The following SLC20A2 variants were observed in gnomAD, a reference collection of about 807,000 sequenced individuals.
SLC20A2 encodes the protein solute carrier family 20 member 2.
A neutral mutation model predicts 61.0 loss-of-function variants in SLC20A2; 30 were observed. The ratio of observed to expected loss-of-function variants is 0.49; its 90% confidence interval spans 0.37 to 0.67. The LOEUF (loss-of-function observed/expected upper bound fraction) is 0.67, where lower values mean the gene tolerates loss of function less well. SLC20A2 is among the 30% of genes least tolerant of loss of function. SLC20A2 has a pLI of 0.00. For missense variants in SLC20A2, 626 were observed against 866.4 expected (o/e 0.72, Z 3.48); for synonymous variants, 351 against 353.3 (o/e 0.99, Z 0.07).
rs997471307 is a variant in SLC20A2 at position 42,472,628 on chromosome 8, G to T, written c.-238C>A. 10 of 465,606 alleles carry T rather than the reference G, an allele frequency of 2.1e-5. No homozygotes were observed. In the South Asian group the frequency reaches 2.8e-4, roughly 13 times the overall value. The allele number at this position is 465,606 out of a possible 1,614,324, so 28.8% of individuals were successfully genotyped here. A position where few individuals can be genotyped will look rare whatever the true frequency, so the allele number is the denominator to read the frequency against. On this transcript the variant is annotated 5_prime_UTR_variant, in exon 2 of 11. Transcript: ENST00000520262. The surrounding 1 kb of genome is among the most constrained non-coding windows in gnomAD (Gnocchi z 4.1). The stretch of plus-strand genomic sequence containing the variant: ...AAACACATTCCATATTTTTCCTCCC[G>T]ATCTGGGAAAGCTGTGATGTCTCCT...
chr8:42,451,335 A>AAGGAGGAAGAGATGGAGG (rs574530901), intron 5 of SLC20A2, among the ~76,000 whole-genome samples: 8 of 138,870 alleles, frequency 5.8e-5, no homozygotes, highest in Admixed American at 2.1e-4. Flanking sequence ...AGAGATGGAG[A>AAGGAGGAAGAGATGGAGG]AGGAGGAAGA....
intron 5 of SLC20A2, among the ~76,000 whole-genome samples, chr8:42,447,468 G>C (rs1410326824): frequency 6.6e-6 from 1 of 152,262 alleles, no homozygotes; most frequent in Middle Eastern, 3.4e-3. Flanking sequence ...ACAAGGTCAG[G>C]AGATGGAGAC....
chr8:42,440,947 C>T (rs6998180), intron 6 of SLC20A2, among the ~76,000 whole-genome samples: 5,176 of 151,864 alleles, frequency 0.034, 299 homozygotes, highest in African/African-American at 0.12. Flanking sequence ...ACTACAGGTG[C>T]GTGCCACCAC....
At chr8:42,426,266 G>C (rs1173550410) in intron 10 of SLC20A2, among the ~76,000 whole-genome samples, 2 of 152,090 alleles carry the variant, frequency 1.3e-5, no homozygotes, top group Non-Finnish European at 2.9e-5. Flanking sequence ...CTGTATTCTA[G>C]AGTTTAGTGT....
At chr8:42,420,921 C>T (rs375874877) in intron 10 of SLC20A2, among the ~76,000 whole-genome samples, 32 of 152,174 alleles carry the variant, frequency 2.1e-4, no homozygotes, top group Non-Finnish European at 4.4e-4. Flanking sequence ...TGACATTATA[C>T]GTCAGGTAAG....
chr8:42,478,913 G>A (rs997639493), intron 1 of SLC20A2, among the ~76,000 whole-genome samples: 2 of 151,938 alleles, frequency 1.3e-5, no homozygotes, highest in African/African-American at 2.4e-5. Flanking sequence ...TCTTTTCAGT[G>A]AGAAAGGGAA....
At chr8:42,434,630 G>A (rs1230856426) in intron 8 of SLC20A2, among the ~76,000 whole-genome samples, 1 of 152,198 alleles carries the variant, frequency 6.6e-6, no homozygotes, top group Non-Finnish European at 1.5e-5. Flanking sequence ...TTAGAGACAG[G>A]GTGGGATAGG....
chr8:42,475,713 A>G (rs941206455), intron 1 of SLC20A2, among the ~76,000 whole-genome samples: 2 of 151,834 alleles, frequency 1.3e-5, no homozygotes, highest in Admixed American at 1.3e-4. Flanking sequence ...ACCAGGGCCC[A>G]GAAGATCCTT....
At chr8:42,439,706 A>G (rs1804623628) in intron 6 of SLC20A2, 53 bp from the exon 7 acceptor site, 8 of 1,262,712 alleles carry the variant, frequency 6.3e-6, no homozygotes, top group Non-Finnish European at 9.2e-6. Context: ...CTTATTATTG[A>G]AACATGAATA....
At position 42,439,449 on chromosome 8, in the gene SLC20A2, C is replaced by T; in HGVS notation, c.934+1G>A. 1 of 1,612,982 alleles carries T rather than the reference C, an allele frequency of 6.2e-7. No individual in the cohort carries two copies. Among genetic ancestry groups the T allele is most frequent in the Middle Eastern group, 1.9e-4 (1 of 5,216 alleles). Reference sequence around the variant, plus strand: ...ACCCAAGCTCTCCAGGCACATCTTACCGTATGCAGCCCGAGGGTGGCTGCC... The same window carrying T: ...ACCCAAGCTCTCCAGGCACATCTTATCGTATGCAGCCCGAGGGTGGCTGCC... On this transcript the variant is annotated splice_donor_variant, in intron 7 of 10. Transcript: ENST00000520262. LOFTEE classifies it high-confidence loss of function.
chr8:42,483,660 G>A (rs1397045728), intron 1 of SLC20A2, among the ~76,000 whole-genome samples: 3 of 152,078 alleles, frequency 2.0e-5, no homozygotes, highest in Non-Finnish European at 2.9e-5. Context: ...TGGATTCCCC[G>A]CCCTCCCAGA....
intron 1 of SLC20A2, among the ~76,000 whole-genome samples, chr8:42,533,164 T>G (rs948380182): frequency 7.3e-5 from 11 of 151,586 alleles, no homozygotes; most frequent in African/African-American, 2.7e-4. Flanking sequence ...TTCTTCCTGC[T>G]GGTTAAGACT....
In SLC20A2 at chr8:42,458,588, A is replaced by C. The variant is rs113488301; in HGVS notation, c.613+1308T>G. Reference sequence around the variant, plus strand: ...CAGTGGGCTATGATTGCACCACTGCATTCCAGCCTGGGCAATAAAGAAAAA... The same window carrying C: ...CAGTGGGCTATGATTGCACCACTGCCTTCCAGCCTGGGCAATAAAGAAAAA... On this transcript the variant is annotated intron_variant, in intron 5 of 10. Coordinates refer to ENST00000520262, the MANE Select transcript of SLC20A2 (RefSeq NM_001257180.2). Among the ~76,000 whole-genome samples, 203 of 145,090 alleles carry C rather than the reference A, an allele frequency of 1.4e-3. 2 individuals are homozygous for C. The highest frequency in any genetic ancestry group is 5.1e-3 in the African/African-American group (197 of 38,818).
chr8:42,427,665 G>A lies in SLC20A2; in HGVS notation c.1794+1093C>T, dbSNP rs544027158. ...TTCCACTGAGGCTGATTCTTCATGCGTGGAGCCCCAGCTTTGAAACACGCT... is the reference window on the plus strand; with the variant it reads ...TTCCACTGAGGCTGATTCTTCATGCATGGAGCCCCAGCTTTGAAACACGCT... On this transcript the variant is annotated intron_variant, in intron 10 of 10. Transcript: ENST00000520262. Among the ~76,000 whole-genome samples, 6 of 152,302 alleles carry A rather than the reference G, an allele frequency of 3.9e-5. No individual in the cohort carries two copies. In the South Asian group the frequency reaches 1.0e-3, roughly 26 times the overall value.
At chr8:42,443,586 T>G (rs1804971762) in intron 6 of SLC20A2, among the ~76,000 whole-genome samples, 1 of 151,792 alleles carries the variant, frequency 6.6e-6, no homozygotes, top group Admixed American at 6.6e-5. Context: ...TGCCTCGGCC[T>G]CCCAAAGTGC....
chr8:42,449,265 G>T (rs1192368745), intron 5 of SLC20A2, among the ~76,000 whole-genome samples: 1 of 152,106 alleles, frequency 6.6e-6, no homozygotes, highest in Non-Finnish European at 1.5e-5. Flanking sequence ...AGGAACCCGC[G>T]CAAGGAGCTC....
At chr8:42,440,007 C>T (rs1229687795) in intron 6 of SLC20A2, among the ~76,000 whole-genome samples, 1 of 151,952 alleles carries the variant, frequency 6.6e-6, no homozygotes, top group Non-Finnish European at 1.5e-5. Flanking sequence ...ATCTCTTAAA[C>T]CCAGGAGGCA....
intron 7 of SLC20A2, among the ~76,000 whole-genome samples, chr8:42,438,708 TTTTTCTTTTC>T (rs372842962): frequency 6.6e-6 from 1 of 151,542 alleles, no homozygotes; most frequent in Non-Finnish European, 1.5e-5. Flanking sequence ...TGGTCTGGAT[TTTTTCTTTTC>T]TTTTCTTTTC....
chr8:42,475,339 A>G (rs1288526258), intron 1 of SLC20A2, among the ~76,000 whole-genome samples: 1 of 151,818 alleles, frequency 6.6e-6, no homozygotes, highest in African/African-American at 2.4e-5. Context: ...TCCTCAAGTG[A>G]TTCTCCTACC....
Sources: allele counts gnomAD v4.1 joint callset (sites outside exome capture counted in the v4.1 genomes callset), GRCh38; gene constraint gnomAD v4.1.1; non-coding constraint Gnocchi (gnomAD v3.1); transcripts MANE v1.5; gene names NCBI Gene and HGNC (gene_info 2026-07-23, HGNC 2026-07-21).